Variants in PACRG observed in about 807,000 individuals in gnomAD.
PACRG encodes parkin coregulated, also known as parkin coregulated gene protein.
PACRG carries 29 observed loss-of-function variants against 29.7 expected under a neutral mutation model. The observed-to-expected ratio is 0.98, with a 90% confidence interval of 0.73 to 1.33. The LOEUF (loss-of-function observed/expected upper bound fraction) is 1.33. PACRG is among the 40% of genes most tolerant of loss of function. PACRG has a pLI of 0.00. For missense variants in PACRG, 279 were observed against 316.2 expected, an observed-to-expected ratio of 0.88 and a Z score of 0.89; for synonymous variants, 116 against 118.7, an observed-to-expected ratio of 0.98 and a Z score of 0.15.
rs375264627 is a variant in PACRG, at chr6:162,803,800, AT to A, written c.157-10341del. ...CTAAATTGAACAGGAAGACTCATCT[AT>A]TTTTTAATTAGAAAATAATATTATC... On this transcript the variant is annotated intron_variant, in intron 1 of 4. Transcript: ENST00000366888. Among the ~76,000 whole-genome samples, 38 of 152,260 alleles carry A rather than the reference AT, an allele frequency of 2.5e-4. 1 individual carries two copies. In the East Asian group the frequency reaches 4.8e-3, roughly 19 times the overall value.
At chr6:162,871,963 G>T (rs953286623) in intron 2 of PACRG, among the ~76,000 whole-genome samples, 5 of 151,714 alleles carry the variant, frequency 3.3e-5, no homozygotes, top group Admixed American at 2.0e-4. Flanking sequence ...AAAAACAAAA[G>T]ACTACTTTCT....
intron 4 of PACRG, among the ~76,000 whole-genome samples, chr6:163,187,259 G>A (rs940592770): frequency 6.6e-6 from 1 of 152,046 alleles, no homozygotes. Flanking sequence ...TCCATAGACT[G>A]ATCTGTTCGC....
At chr6:163,090,657 C>G (rs939204469) in intron 4 of PACRG, among the ~76,000 whole-genome samples, 1 of 152,126 alleles carries the variant, frequency 6.6e-6, no homozygotes, top group African/African-American at 2.4e-5. Context: ...CATATAGTAG[C>G]AGCAAATATC....
chr6:163,187,612 T>C (rs1026327481), intron 4 of PACRG: 1 of 152,346 alleles, frequency 6.6e-6, no homozygotes, highest in African/African-American at 2.4e-5. Flanking sequence ...TCCCACCTTT[T>C]CTACTTCACC....
intron 2 of PACRG, among the ~76,000 whole-genome samples, chr6:163,038,992 G>C (rs1439574369): frequency 6.6e-6 from 1 of 152,104 alleles, no homozygotes; most frequent in African/African-American, 2.4e-5. Context: ...TAACTGATAT[G>C]GTTTAGATCT....
chr6:163,149,375 A>T (rs1323917587), intron 4 of PACRG, among the ~76,000 whole-genome samples: 1 of 151,430 alleles, frequency 6.6e-6, no homozygotes, highest in East Asian at 2.0e-4. Flanking sequence ...TCAAGTCTCC[A>T]CCCGGTAGAT....
intron 4 of PACRG, among the ~76,000 whole-genome samples, chr6:163,218,491 C>G (rs1781452835): frequency 6.6e-6 from 1 of 152,158 alleles, no homozygotes; most frequent in African/African-American, 2.4e-5. Context: ...ATGGCCACGT[C>G]CTCAACACTG....
At position 163,277,541 on chromosome 6, in the gene PACRG, G is replaced by A. The variant is rs931838101; in HGVS notation, c.614-37286G>A. ...CATATACACATATATACATATATGT[G>A]TATATATGTGTATGCATATGTCTAT... On this transcript the variant is annotated intron_variant, in intron 4 of 4. Transcript: ENST00000366888. Among the ~76,000 whole-genome samples the A allele has an allele frequency of 4.1e-5, 6 of 146,520 alleles. No homozygotes were observed. In the East Asian group the frequency reaches 1.2e-3, roughly 30 times the overall value.
chr6:163,305,143 C>A (rs1398213819), intron 4 of PACRG, among the ~76,000 whole-genome samples: 1 of 152,240 alleles, frequency 6.6e-6, no homozygotes, highest in Non-Finnish European at 1.5e-5. Context: ...TACCAGGGGG[C>A]CATCTGAGGG....
At chr6:162,979,786 A>C (rs1802253551) in intron 2 of PACRG, among the ~76,000 whole-genome samples, 1 of 152,140 alleles carries the variant, frequency 6.6e-6, no homozygotes, top group Non-Finnish European at 1.5e-5. Context: ...AATAAATAAT[A>C]TATGCAGCAA....
At chr6:163,211,823 C>T (rs1259517867) in intron 4 of PACRG, among the ~76,000 whole-genome samples, 6 of 152,152 alleles carry the variant, frequency 3.9e-5, no homozygotes, top group African/African-American at 1.4e-4. Flanking sequence ...GGGAGGGTAG[C>T]ATAATGCAGT....
Position 162,728,144 on chromosome 6 carries a change from T to C in PACRG, c.-92T>C. On this transcript the variant is annotated 5_prime_UTR_variant, in exon 1 of 5. Transcript: ENST00000366888. ...GAATTTCTACCATTATCGCGCCTTTTGATATTTTTTTCCAGACCTCCTGCT... is the reference window on the plus strand; with the variant it reads ...GAATTTCTACCATTATCGCGCCTTTCGATATTTTTTTCCAGACCTCCTGCT... 6.9e-7 allele frequency: 1 copy of C among 1,446,488 alleles called. No homozygotes were observed. Among genetic ancestry groups the C allele is most frequent in the South Asian group, 1.3e-5 (1 of 77,082 alleles). 89.6% of individuals were successfully genotyped at this position (1,446,488 alleles called of 1,614,324 possible). A position where few individuals can be genotyped will look rare whatever the true frequency, so the allele number is the denominator to read the frequency against.
chr6:163,312,816 G>C (rs893587674), intron 4 of PACRG: 18 of 431,366 alleles, frequency 4.2e-5, no homozygotes, highest in South Asian at 2.6e-4. Flanking sequence ...GCAGTGGCGC[G>C]ATCATGGCTC....
At chr6:163,222,252 T>A (rs1331370147) in intron 4 of PACRG, among the ~76,000 whole-genome samples, 1 of 152,078 alleles carries the variant, frequency 6.6e-6, no homozygotes, top group Non-Finnish European at 1.5e-5. Flanking sequence ...GAAATGAAGG[T>A]CCCCCATGGT....
intron 1 of PACRG, among the ~76,000 whole-genome samples, chr6:162,730,595 G>A (rs1779687905): frequency 6.6e-6 from 1 of 152,090 alleles, no homozygotes; most frequent in African/African-American, 2.4e-5. Context: ...CATCAAATGG[G>A]CTGTGCAAGC....
intron 2 of PACRG, among the ~76,000 whole-genome samples, chr6:162,831,914 G>T (rs1788805206): frequency 6.6e-6 from 1 of 152,060 alleles, no homozygotes; most frequent in Non-Finnish European, 1.5e-5. Context: ...ATCATTGATG[G>T]GCATTTGGGT....
At chr6:162,732,675 G>A (rs935762816) in intron 1 of PACRG, among the ~76,000 whole-genome samples, 3 of 152,146 alleles carry the variant, frequency 2.0e-5, no homozygotes, top group East Asian at 3.9e-4. Context: ...ACCAAGTGGC[G>A]ATGAACTAAT....
intron 1 of PACRG, among the ~76,000 whole-genome samples, chr6:162,748,514 A>G (rs1444849189): frequency 6.6e-6 from 1 of 151,948 alleles, no homozygotes; most frequent in Non-Finnish European, 1.5e-5. Context: ...ACCAAACCAA[A>G]CAAACCAAAA....
chr6:163,226,037 A>C (rs768082270), intron 4 of PACRG, among the ~76,000 whole-genome samples: 4 of 152,180 alleles, frequency 2.6e-5, no homozygotes, highest in South Asian at 2.1e-4. Flanking sequence ...AATAAAAAGA[A>C]GGAAATCCTC....
Sources: allele counts gnomAD v4.1 joint callset (sites outside exome capture counted in the v4.1 genomes callset), GRCh38; gene constraint gnomAD v4.1.1; transcripts MANE v1.5; gene names NCBI Gene and HGNC (gene_info 2026-07-23, HGNC 2026-07-21).